The following NXPH1 variants were observed in gnomAD, a reference collection of about 807,000 sequenced individuals.
NXPH1 encodes the protein neurexophilin-1.
A neutral mutation model predicts 23.7 loss-of-function variants in NXPH1; 5 were observed. The ratio of observed to expected loss-of-function variants is 0.21; its 90% CI spans 0.11 to 0.44. NXPH1 has a LOEUF of 0.44. Ranked by LOEUF, NXPH1 falls within the 20% of genes least tolerant of loss-of-function variation. The probability of loss-of-function intolerance (pLI) is 0.99; values close to 1 mark genes in which losing one functional copy is unlikely to be tolerated. For missense variants in NXPH1, 324 were observed against 321.6 expected, an observed-to-expected ratio of 1.01 and a Z score of -0.06; for synonymous variants, 144 against 122.2, an observed-to-expected ratio of 1.18 and a Z score of -1.18.
chr7:8,462,385 A>G (rs1816710478), intron 2 of NXPH1, among the ~76,000 whole-genome samples: 1 of 152,256 alleles, frequency 6.6e-6, no homozygotes, highest in Non-Finnish European at 1.5e-5. Flanking sequence ...TATTTAAAGA[A>G]CATATATGTG....
At chr7:8,652,831 G>C (rs1023703966) in intron 2 of NXPH1, among the ~76,000 whole-genome samples, 1 of 152,148 alleles carries the variant, frequency 6.6e-6, no homozygotes, top group East Asian at 1.9e-4. Context: ...CACCAACTAT[G>C]AGTAACAATT....
intron 2 of NXPH1, among the ~76,000 whole-genome samples, chr7:8,523,135 C>T (rs1817801072): frequency 6.6e-6 from 1 of 152,186 alleles, no homozygotes; most frequent in Non-Finnish European, 1.5e-5. Flanking sequence ...GTGGATATAA[C>T]CAGTAATGCT....
intron 2 of NXPH1, among the ~76,000 whole-genome samples, chr7:8,530,227 G>C (rs938526316): frequency 2.0e-5 from 3 of 152,118 alleles, no homozygotes; most frequent in Admixed American, 6.5e-5. Context: ...ATGTCAGAAA[G>C]ACAAACTGCC....
At chr7:8,469,524 C>T (rs1027238655) in intron 2 of NXPH1, among the ~76,000 whole-genome samples, 2 of 152,034 alleles carry the variant, frequency 1.3e-5, no homozygotes, top group African/African-American at 4.8e-5. Flanking sequence ...ATCGTTCCCT[C>T]TCCTCTCATC....
intron 2 of NXPH1, among the ~76,000 whole-genome samples, chr7:8,657,986 C>T (rs1444399968): frequency 1.3e-5 from 2 of 152,168 alleles, no homozygotes; most frequent in Non-Finnish European, 2.9e-5. Context: ...CGAGATCGTG[C>T]CACTGCACTC....
intron 2 of NXPH1, among the ~76,000 whole-genome samples, chr7:8,699,631 A>G (rs538770016): frequency 1.2e-4 from 19 of 152,330 alleles, no homozygotes; most frequent in Admixed American, 1.0e-3. Flanking sequence ...AGGGAATAAT[A>G]TATCAACACA....
chr7:8,487,608 T>G (rs565724503), intron 2 of NXPH1, among the ~76,000 whole-genome samples: 1 of 152,300 alleles, frequency 6.6e-6, no homozygotes, highest in South Asian at 2.1e-4. Context: ...ATACTACTTA[T>G]GCATTGGTAC....
At chr7:8,579,286 C>G (rs1278816887) in intron 2 of NXPH1, among the ~76,000 whole-genome samples, 2 of 152,062 alleles carry the variant, frequency 1.3e-5, no homozygotes, top group Middle Eastern at 3.4e-3. Context: ...CAAGACTTAC[C>G]TAAAATTATA....
At chr7:8,530,417 C>T (rs1817933072) in intron 2 of NXPH1, among the ~76,000 whole-genome samples, 1 of 152,170 alleles carries the variant, frequency 6.6e-6, no homozygotes, top group Non-Finnish European at 1.5e-5. Flanking sequence ...CTTTGTGAGT[C>T]CCATTTGTGA....
intron 2 of NXPH1, among the ~76,000 whole-genome samples, chr7:8,737,954 A>G (rs1178962022): frequency 6.6e-6 from 1 of 152,132 alleles, no homozygotes; most frequent in Non-Finnish European, 1.5e-5. Context: ...TGTTTCATGA[A>G]GTTCTCGTGC....
intron 2 of NXPH1, among the ~76,000 whole-genome samples, chr7:8,570,507 A>G (rs1818623766): frequency 6.6e-6 from 1 of 152,074 alleles, no homozygotes; most frequent in South Asian, 2.1e-4. Context: ...TATAGTAATC[A>G]GCATATGTAG....
At chr7:8,566,301 T>C (rs1818544765) in intron 2 of NXPH1, among the ~76,000 whole-genome samples, 1 of 151,848 alleles carries the variant, frequency 6.6e-6, no homozygotes, top group Admixed American at 6.6e-5. Context: ...TGTTCCAAAA[T>C]TAAACCTGTT....
intron 2 of NXPH1, among the ~76,000 whole-genome samples, chr7:8,710,500 C>G (rs10486248): frequency 0.11 from 17,034 of 152,076 alleles, 1,140 homozygotes; most frequent in Admixed American, 0.16. Flanking sequence ...GGAATTAAGC[C>G]TTGAGTACTT....
rs112417978 is a variant in NXPH1 at position 8,684,661 on chromosome 7, C to T, written c.55-66347C>T. ...AGAGGTTTTACTTTCAATAATAAAC[C>T]GGATATACTCATTAATTATATTCTA... On this transcript the variant is annotated intron_variant, in intron 2 of 2. Transcript: ENST00000405863. Among the ~76,000 whole-genome samples, 280 of 152,174 alleles carry T rather than the reference C, an allele frequency of 1.8e-3. 1 individual carries two copies. Among genetic ancestry groups the T allele is most frequent in the Non-Finnish European group, 2.0e-3 (134 of 67,994 alleles).
intron 2 of NXPH1, among the ~76,000 whole-genome samples, chr7:8,584,820 T>C (rs1262338696): frequency 6.6e-6 from 1 of 152,234 alleles, no homozygotes; most frequent in African/African-American, 2.4e-5. Context: ...AATTATTACC[T>C]ATCTCAGTGG....
intron 2 of NXPH1, among the ~76,000 whole-genome samples, chr7:8,745,045 C>T (rs2115230897): frequency 6.6e-6 from 1 of 152,332 alleles, no homozygotes; most frequent in Non-Finnish European, 1.5e-5. Flanking sequence ...TAGTGACTCC[C>T]TATTTCCTGT....
chr7:8,494,203 T>C (rs946218865), intron 2 of NXPH1, among the ~76,000 whole-genome samples: 1 of 150,610 alleles, frequency 6.6e-6, no homozygotes, highest in Non-Finnish European at 1.5e-5. Context: ...TGATTTTTCA[T>C]AGGAGAATGA....
At position 8,434,901 on chromosome 7, in the gene NXPH1, C is replaced by T. The variant is rs1816161900; in HGVS notation, c.-111+146C>T. ...CCTCACAGCTCGGAGGAGGCTTCTT[C>T]TCTAGAAGTTAGCGACCGGCTGTAC... On this transcript the variant is annotated intron_variant, in intron 1 of 2. Coordinates refer to ENST00000405863, the MANE Select transcript of NXPH1 (RefSeq NM_152745.3). This position sits in a 1 kb window ranked among gnomAD's most constrained non-coding sequence, Gnocchi z 7.6. 6.6e-6 allele frequency: 1 copy of T among 152,198 alleles called. No individual in the cohort carries two copies. Among genetic ancestry groups the T allele is most frequent in the South Asian group, 2.1e-4 (1 of 4,818 alleles). The allele number at this position is 152,198 out of a possible 1,614,324, so 9.4% of individuals were successfully genotyped here.
At chr7:8,491,945 T>G (rs1215578553) in intron 2 of NXPH1, among the ~76,000 whole-genome samples, 3 of 152,078 alleles carry the variant, frequency 2.0e-5, no homozygotes, top group African/African-American at 7.2e-5. Flanking sequence ...CACAGCCATC[T>G]ATAAAATGCA....
Sources: allele counts gnomAD v4.1 joint callset (sites outside exome capture counted in the v4.1 genomes callset), GRCh38; gene constraint gnomAD v4.1.1; non-coding constraint Gnocchi (gnomAD v3.1); transcripts MANE v1.5; gene names NCBI Gene and HGNC (gene_info 2026-07-23, HGNC 2026-07-21).